Variants in BTBD9 observed in about 807,000 individuals in gnomAD.
The protein encoded by BTBD9 is BTB/POZ domain-containing protein 9.
In BTBD9, 49 loss-of-function variants were observed where a neutral mutation model predicts 64.3. That is an observed-to-expected ratio of 0.76 (90% CI 0.61 to 0.97). BTBD9 has a LOEUF of 0.97. BTBD9 is among the 50% of genes least tolerant of loss of function. The probability of loss-of-function intolerance (pLI) is 0.00; values close to 1 mark genes in which losing one functional copy is unlikely to be tolerated. For missense variants in BTBD9, 598 were observed against 762.1 expected, an observed-to-expected ratio of 0.78 and a Z score of 2.53; for synonymous variants, 260 against 274.7, an observed-to-expected ratio of 0.95 and a Z score of 0.53.
chr6:38,637,287 C>T (rs1266920320), intron 1 of BTBD9, among the ~76,000 whole-genome samples: 1 of 152,200 alleles, frequency 6.6e-6, no homozygotes, highest in East Asian at 1.9e-4. Context: ...CGAAGTGTCT[C>T]GCCATAGCCA....
chr6:38,458,682 G>A (rs1255577407), intron 6 of BTBD9, among the ~76,000 whole-genome samples: 2 of 152,172 alleles, frequency 1.3e-5, no homozygotes, highest in African/African-American at 4.8e-5. Context: ...TTTCACTGTA[G>A]CAACATATTT....
intron 6 of BTBD9, among the ~76,000 whole-genome samples, chr6:38,509,761 G>C (rs1367189036): frequency 6.6e-6 from 1 of 152,112 alleles, no homozygotes; most frequent in East Asian, 1.9e-4. Context: ...TCATTGCCCT[G>C]AACACAGCAG....
At chr6:38,394,728 G>A (rs1016588040) in intron 6 of BTBD9, among the ~76,000 whole-genome samples, 6 of 151,886 alleles carry the variant, frequency 4.0e-5, no homozygotes, top group African/African-American at 1.5e-4. Flanking sequence ...CTGGAGGATG[G>A]CAGCCACCAT....
chr6:38,465,739 ATATATATATATATATATG>A (rs1345384968), intron 6 of BTBD9, among the ~76,000 whole-genome samples: 3,012 of 54,170 alleles, frequency 0.056, 115 homozygotes, highest in Middle Eastern at 0.093. Context: ...ATATATATAT[ATATATATATATATATATG>A]TATGTATGTA....
chr6:38,311,140 A>C (rs1762812482), intron 7 of BTBD9, among the ~76,000 whole-genome samples: 2 of 151,966 alleles, frequency 1.3e-5, no homozygotes, highest in Non-Finnish European at 2.9e-5. Context: ...GTACAATTAA[A>C]TTATTATTGA....
chr6:38,240,818 C>A (rs1390158353), intron 9 of BTBD9, among the ~76,000 whole-genome samples: 2 of 152,140 alleles, frequency 1.3e-5, no homozygotes, highest in African/African-American at 4.8e-5. Context: ...GTTATTGTGG[C>A]TCTGTCTTCA....
At chr6:38,361,542 C>T (rs1004077969) in intron 6 of BTBD9, among the ~76,000 whole-genome samples, 4 of 149,102 alleles carry the variant, frequency 2.7e-5, no homozygotes, top group Admixed American at 2.7e-4. Context: ...GACCCTGTCT[C>T]TTAAAAAACA....
At chr6:38,246,088 C>T (rs1764188033) in intron 9 of BTBD9, among the ~76,000 whole-genome samples, 1 of 152,130 alleles carries the variant, frequency 6.6e-6, no homozygotes, top group African/African-American at 2.4e-5. Flanking sequence ...TAGAGAGGAG[C>T]CTCCCACTGG....
chr6:38,624,141 C>T (rs1778092691), intron 1 of BTBD9, among the ~76,000 whole-genome samples: 1 of 152,144 alleles, frequency 6.6e-6, no homozygotes, highest in South Asian at 2.1e-4. Flanking sequence ...CTGTAAAACG[C>T]ACCAATCTGC....
At chr6:38,515,690 G>A (rs573530463) in intron 6 of BTBD9, among the ~76,000 whole-genome samples, 7 of 152,266 alleles carry the variant, frequency 4.6e-5, no homozygotes, top group South Asian at 2.1e-4. Flanking sequence ...TATTAAGAGA[G>A]ACAACAGAGA....
chr6:38,591,549 T>C (rs949390441), intron 4 of BTBD9, among the ~76,000 whole-genome samples: 2 of 152,232 alleles, frequency 1.3e-5, no homozygotes, highest in Non-Finnish European at 2.9e-5. Flanking sequence ...TTATGCAGCA[T>C]AGTTTAGTGG....
In BTBD9 at chr6:38,455,785, C is replaced by T. The variant is rs140241537; in HGVS notation, c.1155-110692G>A. Among the ~76,000 whole-genome samples the T allele has an allele frequency of 5.9e-3, 890 of 151,626 alleles. 8 individuals are homozygous for T. Among genetic ancestry groups the T allele is most frequent in the Non-Finnish European group, 8.7e-3 (592 of 67,830 alleles). ...GTGCAATGGCGCGATCTCGGCTCAC[C>T]GCAACCTCCACCTCCTGGAGTAGCG... is the stretch of plus-strand genomic sequence containing the variant. On this transcript the variant is annotated intron_variant, in intron 6 of 10. Transcript: ENST00000481247.
chr6:38,399,807 A>G (rs1766845066), intron 6 of BTBD9, among the ~76,000 whole-genome samples: 1 of 152,046 alleles, frequency 6.6e-6, no homozygotes, highest in Admixed American at 6.5e-5. Context: ...GCTGGAGTGC[A>G]ACGGCGCAGT....
In BTBD9 at chr6:38,171,846, C is replaced by CA. The variant is rs869155666; in HGVS notation, c.*3138dup. 1.6e-3 allele frequency: 129 copies of CA among 79,098 alleles called. No individual in the cohort carries two copies. Among genetic ancestry groups the CA allele is most frequent in the South Asian group, 1.9e-3 (3 of 1,618 alleles). 4.9% of individuals were successfully genotyped at this position (79,098 alleles called of 1,614,324 possible). A position where few individuals can be genotyped will look rare whatever the true frequency, so the allele number is the denominator to read the frequency against. Reference sequence around the variant, plus strand: ...TCCAATGAAGTTGCCTTTCTACTCTCAAAAAAAAAAAAAAAAAAAAAAAAA... The same window carrying CA: ...TCCAATGAAGTTGCCTTTCTACTCTCAAAAAAAAAAAAAAAAAAAAAAAAAA... On this transcript the variant is annotated 3_prime_UTR_variant, in exon 11 of 11. Coordinates refer to ENST00000481247, the MANE Select transcript of BTBD9 (RefSeq NM_001099272.2).
At chr6:38,233,062 G>T (rs1026649076) in intron 9 of BTBD9, among the ~76,000 whole-genome samples, 2 of 152,284 alleles carry the variant, frequency 1.3e-5, no homozygotes, top group South Asian at 4.1e-4. Context: ...GAGGGCTCAA[G>T]TGTTTGATCT....
intron 6 of BTBD9, among the ~76,000 whole-genome samples, chr6:38,409,148 G>A (rs2127254869): frequency 6.6e-6 from 1 of 152,312 alleles, no homozygotes; most frequent in Admixed American, 6.5e-5. Context: ...TACTTGGGAG[G>A]CGGAGGCAGG....
At chr6:38,254,549 A>T (rs563700554) in intron 9 of BTBD9, among the ~76,000 whole-genome samples, 1 of 152,228 alleles carries the variant, frequency 6.6e-6, no homozygotes, top group East Asian at 1.9e-4. Flanking sequence ...AGGTGGGAAG[A>T]TCACTTGAGC....
chr6:38,302,589 T>C (rs572115951), intron 7 of BTBD9, among the ~76,000 whole-genome samples: 34 of 150,458 alleles, frequency 2.3e-4, no homozygotes, highest in Non-Finnish European at 3.6e-4. Context: ...TTGGCTGTTG[T>C]GAATTATGCT....
intron 6 of BTBD9, among the ~76,000 whole-genome samples, chr6:38,347,160 G>C (rs1208366927): frequency 6.6e-6 from 1 of 152,120 alleles, no homozygotes; most frequent in African/African-American, 2.4e-5. Context: ...GCAAACATTA[G>C]GAATGCGAGA....
Sources: gnomAD v4.1 joint callset for allele counts (sites outside exome capture counted in the v4.1 genomes callset) on GRCh38, gnomAD v4.1.1 for gene constraint, MANE v1.5 for transcripts, NCBI Gene and HGNC (gene_info 2026-07-23, HGNC 2026-07-21) for gene names.